NSUN3: variants seen among roughly 807,000 people sequenced by gnomAD.
NSUN3 encodes the protein tRNA (cytosine(34)-C(5))-methyltransferase, mitochondrial.
In NSUN3, 24 loss-of-function variants were observed where a neutral mutation model predicts 36.8. The ratio of observed to expected loss-of-function variants is 0.65; its 90% CI spans 0.47 to 0.92. The LOEUF (loss-of-function observed/expected upper bound fraction) is 0.92, where lower values mean the gene tolerates loss of function less well. NSUN3 is among the 40% of genes least tolerant of loss of function. The pLI, the probability that NSUN3 is intolerant of heterozygous loss-of-function variation, is 0.00. For synonymous variants in NSUN3, 146 were observed against 145.2 expected, an observed-to-expected ratio of 1.01 and a Z score of -0.04; for missense variants, 381 against 392.8, an observed-to-expected ratio of 0.97 and a Z score of 0.25.
intron 3 of NSUN3, 134 bp downstream of exon 3, chr3:94,084,584 G>A (rs1167461903): frequency 8.2e-6 from 5 of 607,316 alleles, no homozygotes; most frequent in Non-Finnish European, 1.4e-5. Context: ...AGATGCTATG[G>A]AGAAGAATGG....
intron 1 of NSUN3, 107 bp downstream of exon 1, chr3:94,063,245 G>T (rs2077188793): frequency 5.4e-6 from 6 of 1,102,744 alleles, no homozygotes; most frequent in South Asian, 5.0e-5. Context: ...ACCTTTGTTC[G>T]TCCCCTCGCG....
At chr3:94,066,765 G>A (rs570084672) in intron 2 of NSUN3, among the ~76,000 whole-genome samples, 1 of 152,148 alleles carries the variant, frequency 6.6e-6, no homozygotes, top group Admixed American at 6.5e-5. Context: ...CAGTTACTTG[G>A]CAAACTCAAA....
At chr3:94,070,917 G>A (rs1333988364) in intron 2 of NSUN3, among the ~76,000 whole-genome samples, 2 of 152,204 alleles carry the variant, frequency 1.3e-5, no homozygotes, top group Non-Finnish European at 2.9e-5. Context: ...CATTTTTGAT[G>A]ATAGGTTGCT....
intron 5 of NSUN3, among the ~76,000 whole-genome samples, chr3:94,099,646 A>G (rs575146415): frequency 6.6e-6 from 1 of 152,220 alleles, no homozygotes; most frequent in South Asian, 2.1e-4. Context: ...TATGATTATG[A>G]TGACAAAGGG....
rs937757825 is a variant in NSUN3 at position 94,127,904 on chromosome 3, T to G, written c.*1414T>G. ...CAGTCTGTTAATCATTTGTTTTCCT[T>G]TATGTCCAATTGATATGTTTAAAGT... On this transcript the variant is annotated 3_prime_UTR_variant, in exon 6 of 6. Transcript: ENST00000314622. 5 of 152,118 alleles carry G rather than the reference T, an allele frequency of 3.3e-5. No homozygotes were observed. The highest frequency in any genetic ancestry group is 1.2e-4 in the African/African-American group (5 of 41,418). 9.4% of individuals were successfully genotyped at this position (152,118 alleles called of 1,614,324 possible).
At chr3:94,076,919 T>C (rs2077248770) in intron 2 of NSUN3, 2 of 1,210,488 alleles carry the variant, frequency 1.7e-6, no homozygotes, top group Admixed American at 3.4e-5. Context: ...ATTAGGGAGT[T>C]GCACACTGGC....
intron 5 of NSUN3, among the ~76,000 whole-genome samples, chr3:94,100,876 A>G (rs2077363198): frequency 6.6e-6 from 1 of 152,208 alleles, no homozygotes; most frequent in Admixed American, 6.5e-5. Flanking sequence ...TTTTGGAAAG[A>G]CAGTGTCCTA....
chr3:94,109,518 C>G (rs2077407397), intron 5 of NSUN3, among the ~76,000 whole-genome samples: 2 of 152,160 alleles, frequency 1.3e-5, no homozygotes, highest in Admixed American at 6.5e-5. Flanking sequence ...TTTAAGTGAG[C>G]AGGGCTGGCA....
intron 3 of NSUN3, chr3:94,085,225 A>G (rs2077286992): frequency 6.6e-6 from 1 of 152,192 alleles, no homozygotes; most frequent in African/African-American, 2.4e-5. Flanking sequence ...AGGTTTACAA[A>G]TATTTGTTAA....
intron 5 of NSUN3, among the ~76,000 whole-genome samples, chr3:94,115,586 A>T (rs372525503): frequency 6.6e-6 from 1 of 152,232 alleles, no homozygotes; most frequent in Non-Finnish European, 1.5e-5. Flanking sequence ...TAGCGATGAC[A>T]TAAAAAGAAT....
rs918337214 is a variant in NSUN3 at position 94,076,901 on chromosome 3, GCAT to G, written c.123-7199_123-7197del. 284 of 1,388,396 alleles carry G rather than the reference GCAT, an allele frequency of 2.0e-4. 1 individual carries two copies. Among genetic ancestry groups the G allele is most frequent in the Middle Eastern group, 1.4e-3 (7 of 4,834 alleles). The allele number at this position is 1,388,396 out of a possible 1,614,324, so 86.0% of individuals were successfully genotyped here. A position where few individuals can be genotyped will look rare whatever the true frequency, so the allele number is the denominator to read the frequency against. Reference sequence around the variant, plus strand: ...GTCGTAGTGTGATGCATCAAAATGAGCATCATCATTAGGGAGTTGCACACTGGC... The same window carrying G: ...GTCGTAGTGTGATGCATCAAAATGAGCATCATTAGGGAGTTGCACACTGGC... On this transcript the variant is annotated intron_variant, in intron 2 of 5. Transcript: ENST00000314622.
At chr3:94,104,930 C>T (rs574364368) in intron 5 of NSUN3, among the ~76,000 whole-genome samples, 2 of 152,236 alleles carry the variant, frequency 1.3e-5, no homozygotes, top group Non-Finnish European at 2.9e-5. Flanking sequence ...TAAAATACCA[C>T]GGATGTTAAC....
chr3:94,098,077 A>T (rs1319503790), intron 5 of NSUN3, among the ~76,000 whole-genome samples: 1 of 152,162 alleles, frequency 6.6e-6, no homozygotes, highest in African/African-American at 2.4e-5. Flanking sequence ...CAAAACAAAA[A>T]ATCAGACTAG....
chr3:94,068,361 A>G (rs2077213307), intron 2 of NSUN3, among the ~76,000 whole-genome samples: 1 of 152,144 alleles, frequency 6.6e-6, no homozygotes, highest in African/African-American at 2.4e-5. Flanking sequence ...TTTTGTTGAT[A>G]GAGCTATTGT....
chr3:94,108,532 G>C (rs1272157795), intron 5 of NSUN3, among the ~76,000 whole-genome samples: 8 of 151,788 alleles, frequency 5.3e-5, no homozygotes, highest in Admixed American at 5.3e-4. Context: ...AGCTGTTTTT[G>C]TACTTTTAGT....
At chr3:94,068,970 G>A (rs1382023790) in intron 2 of NSUN3, among the ~76,000 whole-genome samples, 1 of 152,178 alleles carries the variant, frequency 6.6e-6, no homozygotes, top group East Asian at 1.9e-4. Context: ...CTGTGAAGAA[G>A]TAACTTTTAG....
chr3:94,082,644 A>G (rs1176085132), intron 2 of NSUN3, among the ~76,000 whole-genome samples: 1 of 152,228 alleles, frequency 6.6e-6, no homozygotes, highest in Non-Finnish European at 1.5e-5. Context: ...TTAATTGACC[A>G]TAGTTAATGA....
intron 5 of NSUN3, among the ~76,000 whole-genome samples, chr3:94,111,798 G>A (rs886433168): frequency 6.6e-6 from 1 of 151,748 alleles, no homozygotes; most frequent in Non-Finnish European, 1.5e-5. Flanking sequence ...GGATCTGTCT[G>A]AAGCTGTTTT....
In NSUN3 at chr3:94,130,150, G is replaced by C. The variant is rs372548516; in HGVS notation, c.*3660G>C. On this transcript the variant is annotated 3_prime_UTR_variant, in exon 6 of 6. Coordinates refer to ENST00000314622, the MANE Select transcript of NSUN3 (RefSeq NM_022072.5). ...AAACCAAAGCTCAGTTCTGTTTATA[G>C]TTTGCCAAGGCTACACTGGTAAGTA... Among the ~76,000 whole-genome samples the C allele has an allele frequency of 6.6e-6, 1 of 152,148 alleles. No homozygotes were observed. The highest frequency in any genetic ancestry group is 1.5e-5 in the Non-Finnish European group (1 of 68,030).
Sources: allele counts gnomAD v4.1 joint callset (sites outside exome capture counted in the v4.1 genomes callset), GRCh38; gene constraint gnomAD v4.1.1; transcripts MANE v1.5; gene names NCBI Gene and HGNC (gene_info 2026-07-23, HGNC 2026-07-21).